Variants in KIF16B observed in about 807,000 individuals in gnomAD.
KIF16B encodes the protein kinesin-like protein KIF16B.
A neutral mutation model predicts 156.3 loss-of-function variants in KIF16B; 98 were observed. That is an observed-to-expected ratio of 0.63 (90% CI 0.53 to 0.74). The LOEUF (loss-of-function observed/expected upper bound fraction) is 0.74, where lower values mean the gene tolerates loss of function less well. KIF16B is among the 30% of genes least tolerant of loss of function. The pLI is 0.00. For missense variants in KIF16B, 1,421 were observed against 1,606.5 expected (o/e 0.88, Z 1.97); for synonymous variants, 564 against 583.7 (o/e 0.97, Z 0.49).
At chr20:16,435,849 T>C (rs2066628262) in intron 12 of KIF16B, among the ~76,000 whole-genome samples, 1 of 152,180 alleles carries the variant, frequency 6.6e-6, no homozygotes, top group Non-Finnish European at 1.5e-5. Context: ...TGATGTTGTT[T>C]TGGGCCTCAA....
chr20:16,297,227 C>T (rs955584766), intron 25 of KIF16B, among the ~76,000 whole-genome samples: 7 of 152,188 alleles, frequency 4.6e-5, no homozygotes, highest in African/African-American at 1.7e-4. Flanking sequence ...TCAGGTCTCT[C>T]CCCATCATTG....
In KIF16B at chr20:16,345,860, TG is replaced by T. The variant is rs1463581772; in HGVS notation, c.3622-9846del. ...CTCTTGGGAGAACACAATAGTCTAATGGGGTATTTTAAGTTATTTGCTCTGA... is the reference window on the plus strand; with the variant it reads ...CTCTTGGGAGAACACAATAGTCTAATGGGTATTTTAAGTTATTTGCTCTGA... On this transcript the variant is annotated intron_variant, in intron 23 of 25. Coordinates refer to ENST00000354981, the MANE Select transcript of KIF16B (RefSeq NM_024704.5). 3.9e-5 allele frequency among the ~76,000 whole-genome samples: 6 copies of T among 152,294 alleles called. 1 individual carries two copies. The South Asian group carries it at 1.0e-3, about 26-fold the overall frequency.
At chr20:16,533,154 G>C (rs2069821427) in intron 1 of KIF16B, among the ~76,000 whole-genome samples, 1 of 152,148 alleles carries the variant, frequency 6.6e-6, no homozygotes, top group African/African-American at 2.4e-5. Context: ...CTATGTACTG[G>C]GATGACTGGC....
chr20:16,427,311 C>T, intron 14 of KIF16B, 70 bp from the exon 15 acceptor site: 1 of 1,366,648 alleles, frequency 7.3e-7, no homozygotes, highest in Non-Finnish European at 1.0e-6. Context: ...AGCTATTTAT[C>T]TATAAATTTA....
intron 23 of KIF16B, among the ~76,000 whole-genome samples, chr20:16,337,624 G>C (rs1408015510): frequency 6.6e-6 from 1 of 152,226 alleles, no homozygotes; most frequent in African/African-American, 2.4e-5. Context: ...AAGCTGGCAA[G>C]CACGTCACTT....
At chr20:16,573,187 G>A (rs776424787) in intron 1 of KIF16B, 42 bp downstream of exon 1, 66 of 1,527,602 alleles carry the variant, frequency 4.3e-5, no homozygotes, top group Non-Finnish European at 5.7e-5. Flanking sequence ...TCCTCTGGGT[G>A]GGGGCGCGAC....
In KIF16B at chr20:16,529,290, C is replaced by T. The variant is rs114197172; in HGVS notation, c.48-850G>A. Reference sequence around the variant, plus strand: ...TTTGATCTGGAGGTCATCTTTAGAACGATAAAAATGATTTATGCAAAAATA... The same window carrying T: ...TTTGATCTGGAGGTCATCTTTAGAATGATAAAAATGATTTATGCAAAAATA... On this transcript the variant is annotated intron_variant, in intron 1 of 25. Transcript: ENST00000354981. 4.5e-3 allele frequency among the ~76,000 whole-genome samples: 690 copies of T among 151,974 alleles called. 7 individuals are homozygous for T. Among genetic ancestry groups the T allele is most frequent in the African/African-American group, 0.015 (640 of 41,432 alleles).
intron 12 of KIF16B, among the ~76,000 whole-genome samples, chr20:16,444,591 G>A (rs6105602): frequency 0.055 from 8,394 of 152,216 alleles, 767 homozygotes; most frequent in African/African-American, 0.19. Context: ...CTAGCCTTTC[G>A]GAGCAGCAGT....
intron 15 of KIF16B, 71 bp downstream of exon 15, chr20:16,427,033 C>T (rs571673211): frequency 4.4e-5 from 57 of 1,306,580 alleles, no homozygotes; most frequent in Admixed American, 1.9e-4. Flanking sequence ...TGCACATGTT[C>T]CCCCATTGCC....
chr20:16,337,099 AGCCTGTCTGCAGGCCTC>A (rs1451177894), intron 23 of KIF16B, among the ~76,000 whole-genome samples: 4 of 152,222 alleles, frequency 2.6e-5, no homozygotes, highest in African/African-American at 7.2e-5. Context: ...TGCCCACAGC[AGCCTGTCTGCAGGCCTC>A]TCCTGCTAGG....
At position 16,379,813 on chromosome 20, in the gene KIF16B, A is replaced by G. The variant is rs1182925164; in HGVS notation, c.2189T>C (p.Leu730Pro). 1 of 1,614,000 alleles carries G rather than the reference A, an allele frequency of 6.2e-7. No individual in the cohort carries two copies. Among genetic ancestry groups the G allele is most frequent in the Non-Finnish European group, 8.5e-7 (1 of 1,180,036 alleles). The change falls in exon 19 of 26, where the codon CTG becomes CCG. Residue 730 changes from leucine to proline, a missense_variant. Transcript: ENST00000354981. ...ATCTTTTTCCTTTTGGAGCTGGTCC[A>G]GTTCTTGAAATATCTGAAACTTCTC... ...KAEKFQIFQE[L>P]DQLQKEKDEQ...
At chr20:16,382,782 C>A (rs1486298444) in intron 17 of KIF16B, among the ~76,000 whole-genome samples, 1 of 149,180 alleles carries the variant, frequency 6.7e-6, no homozygotes, top group Non-Finnish European at 1.5e-5. Context: ...CTATATAATT[C>A]TTAAGCTTAT....
chr20:16,409,102 A>G (rs2065857757), intron 15 of KIF16B, among the ~76,000 whole-genome samples: 1 of 152,176 alleles, frequency 6.6e-6, no homozygotes, highest in African/African-American at 2.4e-5. Context: ...CAGCTGAAGG[A>G]GAAGAACTGT....
In KIF16B at chr20:16,406,318, C is replaced by G; in HGVS notation, c.1695+56G>C. On this transcript the variant is annotated intron_variant, in intron 16 of 25. Coordinates refer to ENST00000354981, the MANE Select transcript of KIF16B (RefSeq NM_024704.5). ...AGATTGGAACCAGAGTGACCACCACCCACTCATCCTCACATACGATCAGTG... is the reference window on the plus strand; with the variant it reads ...AGATTGGAACCAGAGTGACCACCACGCACTCATCCTCACATACGATCAGTG... The G allele has an allele frequency of 4.2e-6, 6 of 1,420,496 alleles. No homozygotes were observed. The South Asian group carries it at 5.7e-5, about 14-fold the overall frequency. 88.0% of individuals were successfully genotyped at this position (1,420,496 alleles called of 1,614,324 possible). A position where few individuals can be genotyped will look rare whatever the true frequency, so the allele number is the denominator to read the frequency against.
intron 11 of KIF16B, among the ~76,000 whole-genome samples, chr20:16,497,128 C>T (rs964788260): frequency 5.9e-5 from 9 of 152,230 alleles, no homozygotes; most frequent in Non-Finnish European, 8.8e-5. Flanking sequence ...TCTTTGGTTA[C>T]TCACTGCCAG....
chr20:16,273,247 CT>C lies in KIF16B; in HGVS notation c.*5del. The stretch of plus-strand genomic sequence containing the variant: ...TGCTGTGGTGGTTCCTCCATCACCC[CT>C]GGCTCTACCCCGTCCCGTGGCTGCT... On this transcript the variant is annotated 3_prime_UTR_variant, in exon 26 of 26. Coordinates refer to ENST00000354981, the MANE Select transcript of KIF16B (RefSeq NM_024704.5). The C allele has an allele frequency of 1.2e-6, 2 of 1,613,652 alleles. No individual in the cohort carries two copies. The highest frequency in any genetic ancestry group is 1.7e-6 in the Non-Finnish European group (2 of 1,179,670).
intron 17 of KIF16B, among the ~76,000 whole-genome samples, chr20:16,389,839 T>C (rs888403235): frequency 2.0e-5 from 3 of 152,214 alleles, no homozygotes; most frequent in African/African-American, 4.8e-5. Context: ...CAGCTCTTCA[T>C]GGAAAGGCCT....
intron 12 of KIF16B, among the ~76,000 whole-genome samples, chr20:16,477,603 C>T (rs6111156): frequency 0.024 from 3,640 of 152,120 alleles, 134 homozygotes; most frequent in African/African-American, 0.084. Flanking sequence ...ATTGCTAAAC[C>T]AAGATAGTCA....
chr20:16,335,667 CACTT>C (rs1177316344), intron 24 of KIF16B, among the ~76,000 whole-genome samples: 5 of 152,084 alleles, frequency 3.3e-5, no homozygotes, highest in Admixed American at 2.6e-4. Context: ...GGATGGAGTT[CACTT>C]ACTGTCATTG....
Sources: gnomAD v4.1 joint callset for allele counts (sites outside exome capture counted in the v4.1 genomes callset) on GRCh38, gnomAD v4.1.1 for gene constraint, MANE v1.5 for transcripts, NCBI Gene and HGNC (gene_info 2026-07-23, HGNC 2026-07-21) for gene names.